PCDH15: variants seen among roughly 807,000 people sequenced by gnomAD.
PCDH15 encodes the protein protocadherin-15.
Under a neutral mutation model 178.5 loss-of-function variants are expected in PCDH15, and 129 were observed. That is an observed-to-expected ratio of 0.72 (90% CI 0.63 to 0.84). The LOEUF is 0.84. PCDH15 is among the 40% of genes least tolerant of loss of function. The pLI, the probability that PCDH15 is intolerant of heterozygous loss-of-function variation, is 0.00. For missense variants in PCDH15, 2,230 were observed against 2,099.9 expected, an observed-to-expected ratio of 1.06 and a Z score of -1.21; for synonymous variants, 800 against 732.0, an observed-to-expected ratio of 1.09 and a Z score of -1.50.
In PCDH15 at chr10:53,822,424, GAGGAGCAAGAGGAGC is replaced by G. The variant is rs770671117; in HGVS notation, c.4368-2209_4368-2195del. 3.5e-5 allele frequency: 55 copies of G among 1,579,178 alleles called. No homozygotes were observed. Among genetic ancestry groups the G allele is most frequent in the African/African-American group, 1.1e-4 (8 of 73,006 alleles). On this transcript the variant is annotated intron_variant, in intron 32 of 37. Transcript: ENST00000644397. ...AGAGAAAAAGGAGAAATGTCAGGAG[GAGGAGCAAGAGGAGC>G]AGGAGCAGGAGGAGGAGAAGGAGGA...
intron 2 of PCDH15, among the ~76,000 whole-genome samples, chr10:55,530,754 TAATTATTTTAAGCTATCTA>T: frequency 6.6e-6 from 1 of 152,142 alleles, no homozygotes; most frequent in South Asian, 2.1e-4. Flanking sequence ...TCTGGAAAAT[TAATTATTTTAAGCTATCTA>T]AATATATTTA....
intron 18 of PCDH15, among the ~76,000 whole-genome samples, chr10:54,062,246 A>C (rs1235221080): frequency 3.7e-4 from 50 of 135,084 alleles, no homozygotes; most frequent in Admixed American, 6.6e-4. Context: ...AAAAAAAAAA[A>C]AAAAAACAAA....
At chr10:54,101,433 T>C (rs1218247706) in intron 15 of PCDH15, among the ~76,000 whole-genome samples, 1 of 152,090 alleles carries the variant, frequency 6.6e-6, no homozygotes, top group Non-Finnish European at 1.5e-5. Context: ...GCTAAAAAAA[T>C]GACAAATGAG....
At chr10:54,835,646 C>T (rs76638206) in intron 3 of PCDH15, among the ~76,000 whole-genome samples, 164 of 152,246 alleles carry the variant, frequency 1.1e-3, no homozygotes, top group African/African-American at 3.7e-3. Context: ...GCCATGCACA[C>T]ACACCCTCAT....
At chr10:55,366,446 C>A (rs1009480001) in intron 2 of PCDH15, among the ~76,000 whole-genome samples, 9 of 152,062 alleles carry the variant, frequency 5.9e-5, no homozygotes, top group African/African-American at 1.7e-4. Context: ...TTCCTATGTA[C>A]CCTGGATAAT....
chr10:54,434,743 T>G (rs958993316), intron 3 of PCDH15, among the ~76,000 whole-genome samples: 1 of 152,174 alleles, frequency 6.6e-6, no homozygotes, highest in Non-Finnish European at 1.5e-5. Flanking sequence ...TTGTGACAAA[T>G]TCACTCTCTA....
intron 2 of PCDH15, among the ~76,000 whole-genome samples, chr10:54,662,300 C>A (rs1356925551): frequency 6.6e-6 from 1 of 151,884 alleles, no homozygotes; most frequent in African/African-American, 2.4e-5. Context: ...TATGAAAAAA[C>A]ATTCAACCTC....
At chr10:53,898,509 A>G (rs933587765) in intron 26 of PCDH15, among the ~76,000 whole-genome samples, 5 of 152,220 alleles carry the variant, frequency 3.3e-5, no homozygotes, top group Non-Finnish European at 7.3e-5. Flanking sequence ...TCAACTTCGT[A>G]GAACCAGTTG....
intron 2 of PCDH15, among the ~76,000 whole-genome samples, chr10:54,540,931 A>T (rs1327677503): frequency 6.6e-6 from 1 of 152,220 alleles, no homozygotes; most frequent in Non-Finnish European, 1.5e-5. Flanking sequence ...CAGTAGATGC[A>T]GAAAAAGCTT....
Position 55,520,326 on chromosome 10 carries a change from G to GTATATA in PCDH15, c.-156+107293_-156+107298dup, listed in dbSNP as rs200235654. On this transcript the variant is annotated intron_variant, in intron 2 of 5. Coordinates refer to the PCDH15 transcript ENST00000613346. ...ATATATATATATATACATGCAATGT[G>GTATATA]TATATATATATATATATATATATAC... Among the ~76,000 whole-genome samples the GTATATA allele has an allele frequency of 1.7e-3, 78 of 44,576 alleles. 15 individuals carry two copies. The highest frequency in any genetic ancestry group is 5.6e-3 in the African/African-American group (74 of 13,194). The allele number at this position is 44,576 out of a possible 152,430, so 29.2% of individuals were successfully genotyped here. A position where few individuals can be genotyped will look rare whatever the true frequency, so the allele number is the denominator to read the frequency against.
chr10:54,051,713 G>A (rs968891265), intron 18 of PCDH15, among the ~76,000 whole-genome samples: 2 of 152,148 alleles, frequency 1.3e-5, no homozygotes, highest in African/African-American at 2.4e-5. Flanking sequence ...AATTTGCATA[G>A]ATAACAAGGA....
Position 55,552,756 on chromosome 10 carries a change from A to G in PCDH15, c.-156+74869T>C, listed in dbSNP as rs376905846. ...ATGCATGACTTACAAATATTATAAA[A>G]CATAATGGCTTTTATTATAAACTAT... On this transcript the variant is annotated intron_variant, in intron 2 of 5. Transcript: ENST00000613346. Among the ~76,000 whole-genome samples the G allele has an allele frequency of 2.2e-4, 33 of 151,636 alleles. No individual in the cohort carries two copies. In the East Asian group the frequency reaches 4.8e-3, roughly 22 times the overall value.
intron 28 of PCDH15, among the ~76,000 whole-genome samples, chr10:53,841,539 T>G (rs530401570): frequency 6.6e-6 from 1 of 152,296 alleles, no homozygotes; most frequent in South Asian, 2.1e-4. Context: ...ATTAGAACAA[T>G]GAGGTTACTA....
chr10:54,207,579 G>A (rs973461852), intron 10 of PCDH15, among the ~76,000 whole-genome samples: 1 of 152,004 alleles, frequency 6.6e-6, no homozygotes, highest in Non-Finnish European at 1.5e-5. Flanking sequence ...TGTTATCTGA[G>A]TCAAATTGTT....
chr10:55,461,591 C>A (rs748988329), intron 2 of PCDH15, among the ~76,000 whole-genome samples: 4 of 151,992 alleles, frequency 2.6e-5, no homozygotes, highest in Non-Finnish European at 4.4e-5. Flanking sequence ...TAAAACCATT[C>A]ATAGTTAACA....
Position 53,805,328 on chromosome 10 carries a change from A to C in PCDH15, c.*1251T>G, listed in dbSNP as rs927433897. On this transcript the variant is annotated 3_prime_UTR_variant, in exon 38 of 38. Transcript: ENST00000644397. ...ATAGAATTCTGAATTCTCTTAATCTATATTGTTTCATTCTTTTTACATCAT... is the reference window on the plus strand; with the variant it reads ...ATAGAATTCTGAATTCTCTTAATCTCTATTGTTTCATTCTTTTTACATCAT... 1.3e-5 allele frequency: 2 copies of C among 152,048 alleles called. No homozygotes were observed. The highest frequency in any genetic ancestry group is 2.9e-5 in the Non-Finnish European group (2 of 67,956). The allele number at this position is 152,048 out of a possible 1,614,324, so 9.4% of individuals were successfully genotyped here.
At position 55,623,125 on chromosome 10, in the gene PCDH15, AC is replaced by A. The variant is rs1373458556; in HGVS notation, c.-156+4499del. On this transcript the variant is annotated intron_variant, in intron 2 of 5. Transcript: ENST00000613346. ...CACCTCCTGCTCTATATATTTTTTA[AC>A]GTTAATGTCCTATTCTCATTGTTAA... Among the ~76,000 whole-genome samples the A allele has an allele frequency of 2.6e-5, 4 of 152,102 alleles. No individual in the cohort carries two copies. The East Asian group carries it at 7.7e-4, about 29-fold the overall frequency.
rs541182674 is a variant in PCDH15, at chr10:55,093,328, A to G, written c.-80+73248T>C. Among the ~76,000 whole-genome samples the G allele has an allele frequency of 2.0e-5, 3 of 152,154 alleles. No individual in the cohort carries two copies. In the East Asian group the frequency reaches 5.8e-4, roughly 29 times the overall value. Reference sequence around the variant, plus strand: ...TGTTTTTTCAGTTTTACCTATGTCAAATAATGGTGGTTTTTTTCAAGATGC... The same window carrying G: ...TGTTTTTTCAGTTTTACCTATGTCAGATAATGGTGGTTTTTTTCAAGATGC... On this transcript the variant is annotated intron_variant, in intron 2 of 5. Coordinates refer to the PCDH15 transcript ENST00000458638.
chr10:55,606,516 C>A (rs1843220875), intron 2 of PCDH15, among the ~76,000 whole-genome samples: 1 of 146,456 alleles, frequency 6.8e-6, no homozygotes, highest in Admixed American at 6.9e-5. Flanking sequence ...GCTACAGTAA[C>A]CAAAACAGCA....
Sources: allele counts gnomAD v4.1 joint callset (sites outside exome capture counted in the v4.1 genomes callset), GRCh38; gene constraint gnomAD v4.1.1; transcripts MANE v1.5; gene names NCBI Gene and HGNC (gene_info 2026-07-23, HGNC 2026-07-21).